The following GALNTL6 variants were observed in gnomAD, a reference collection of about 807,000 sequenced individuals.
GALNTL6 encodes the protein polypeptide N-acetylgalactosaminyltransferase-like 6.
Under a neutral mutation model 73.7 loss-of-function variants are expected in GALNTL6, and 46 were observed. The ratio of observed to expected loss-of-function variants is 0.62; its 90% CI spans 0.49 to 0.80. GALNTL6 has a LOEUF of 0.80. Ranked by LOEUF, GALNTL6 falls within the 30% of genes least tolerant of loss-of-function variation. GALNTL6 has a pLI of 0.00. For synonymous variants in GALNTL6, 259 were observed against 263.7 expected, an observed-to-expected ratio of 0.98 and a Z score of 0.17; for missense variants, 604 against 755.0, an observed-to-expected ratio of 0.80 and a Z score of 2.34.
intron 5 of GALNTL6, among the ~76,000 whole-genome samples, chr4:172,671,171 T>C (rs540094812): frequency 3.9e-5 from 6 of 152,340 alleles, no homozygotes; most frequent in African/African-American, 1.4e-4. Flanking sequence ...AAATAGTTTT[T>C]TCTAGTTCTG....
intron 5 of GALNTL6, among the ~76,000 whole-genome samples, chr4:172,725,043 G>A (rs1735716403): frequency 6.6e-6 from 1 of 152,086 alleles, no homozygotes; most frequent in Non-Finnish European, 1.5e-5. Flanking sequence ...TTTTTTTCAA[G>A]TATTTTTCCC....
At chr4:171,925,051 GA>G (rs1309746950) in intron 2 of GALNTL6, among the ~76,000 whole-genome samples, 3 of 152,172 alleles carry the variant, frequency 2.0e-5, no homozygotes, top group Non-Finnish European at 4.4e-5. Flanking sequence ...AAATGCGCAG[GA>G]AAACTAAGCT....
chr4:172,208,169 T>A (rs1341840162), intron 2 of GALNTL6, among the ~76,000 whole-genome samples: 1 of 152,170 alleles, frequency 6.6e-6, no homozygotes, highest in African/African-American at 2.4e-5. Flanking sequence ...ATGCTGGAAG[T>A]TGAGCTGTCG....
chr4:171,924,728 A>T (rs1052512894), intron 2 of GALNTL6, among the ~76,000 whole-genome samples: 4 of 152,214 alleles, frequency 2.6e-5, no homozygotes, highest in African/African-American at 9.6e-5. Flanking sequence ...TTATCAGAAC[A>T]TGACTAGAAG....
intron 9 of GALNTL6, 74 bp from the exon 10 acceptor site, chr4:172,951,963 A>G: frequency 7.8e-7 from 1 of 1,275,894 alleles, no homozygotes; most frequent in Non-Finnish European, 1.1e-6. Flanking sequence ...TCTTTTTTCA[A>G]TTTCTGGTGC....
intron 2 of GALNTL6, among the ~76,000 whole-genome samples, chr4:171,936,844 T>G (rs1354858268): frequency 6.6e-6 from 1 of 152,156 alleles, no homozygotes; most frequent in African/African-American, 2.4e-5. Context: ...AAATATACGT[T>G]AAGCCTCTAA....
intron 3 of GALNTL6, among the ~76,000 whole-genome samples, chr4:172,309,504 A>G (rs1420049310): frequency 2.6e-5 from 4 of 152,104 alleles, no homozygotes; most frequent in Non-Finnish European, 5.9e-5. Flanking sequence ...TTATAGATGC[A>G]TATTATTAGA....
intron 2 of GALNTL6, among the ~76,000 whole-genome samples, chr4:171,997,400 C>T (rs908936264): frequency 1.3e-5 from 2 of 151,966 alleles, no homozygotes; most frequent in East Asian, 3.9e-4. Context: ...TCCTGATAAA[C>T]CCATCGTAAG....
At chr4:172,091,762 A>G (rs1181540875) in intron 2 of GALNTL6, among the ~76,000 whole-genome samples, 1 of 152,200 alleles carries the variant, frequency 6.6e-6, no homozygotes, top group Non-Finnish European at 1.5e-5. Flanking sequence ...AGTGAAAGGT[A>G]AATGTTTTAA....
At chr4:172,924,070 G>T (rs1293717331) in intron 8 of GALNTL6, among the ~76,000 whole-genome samples, 1 of 151,992 alleles carries the variant, frequency 6.6e-6, no homozygotes, top group Non-Finnish European at 1.5e-5. Flanking sequence ...GGGAAAACTA[G>T]ACAAAGAAAA....
chr4:172,285,356 G>A (rs1027698540), intron 3 of GALNTL6, among the ~76,000 whole-genome samples: 1 of 152,022 alleles, frequency 6.6e-6, no homozygotes, highest in African/African-American at 2.4e-5. Context: ...TGTATATCCT[G>A]GCCTAAAATA....
At chr4:172,322,228 A>G (rs916330853) in intron 4 of GALNTL6, among the ~76,000 whole-genome samples, 2 of 152,180 alleles carry the variant, frequency 1.3e-5, no homozygotes, top group Non-Finnish European at 2.9e-5. Context: ...GCCGTCTTCT[A>G]TGCGTAGTTC....
chr4:173,029,380 G>C (rs1753365476), intron 12 of GALNTL6, among the ~76,000 whole-genome samples: 1 of 152,054 alleles, frequency 6.6e-6, no homozygotes, highest in Admixed American at 6.6e-5. Flanking sequence ...CAATTAAATG[G>C]CCCAATTTCC....
intron 2 of GALNTL6, among the ~76,000 whole-genome samples, chr4:172,204,965 T>C (rs1402736881): frequency 6.6e-6 from 1 of 152,234 alleles, no homozygotes; most frequent in Non-Finnish European, 1.5e-5. Flanking sequence ...GTACTACTAA[T>C]TCTACTGTAG....
In GALNTL6 at chr4:172,874,742, T is replaced by A. The variant is rs551011764; in HGVS notation, c.924-8048T>A. On this transcript the variant is annotated intron_variant, in intron 7 of 12. Transcript: ENST00000506823. ...TAAGGAGAACCTCAAGGTGACACGA[T>A]GGCGTCTGCTCCCGTCTGGCCTGAG... is the stretch of plus-strand genomic sequence containing the variant. Among the ~76,000 whole-genome samples, 3 of 152,314 alleles carry A rather than the reference T, an allele frequency of 2.0e-5. No individual in the cohort carries two copies. In the South Asian group the frequency reaches 6.2e-4, roughly 32 times the overall value.
chr4:171,938,717 C>T (rs1738429516), intron 2 of GALNTL6, among the ~76,000 whole-genome samples: 1 of 152,026 alleles, frequency 6.6e-6, no homozygotes, highest in Non-Finnish European at 1.5e-5. Context: ...AAATGAATAG[C>T]ACAAATATTA....
intron 2 of GALNTL6, among the ~76,000 whole-genome samples, chr4:171,982,804 C>G (rs1034624842): frequency 1.3e-5 from 2 of 152,192 alleles, no homozygotes; most frequent in African/African-American, 4.8e-5. Context: ...CTTAGGACCT[C>G]ATACTCACTA....
At chr4:172,408,305 T>G (rs995696439) in intron 5 of GALNTL6, among the ~76,000 whole-genome samples, 3 of 152,060 alleles carry the variant, frequency 2.0e-5, no homozygotes, top group Admixed American at 1.3e-4. Context: ...TATGCTTAAT[T>G]TGTTATTTTT....
At chr4:172,752,962 A>G (rs1249271659) in intron 5 of GALNTL6, among the ~76,000 whole-genome samples, 1 of 152,176 alleles carries the variant, frequency 6.6e-6, no homozygotes, top group African/African-American at 2.4e-5. Flanking sequence ...TTTCATTATG[A>G]TGAATATTTT....
Sources: gnomAD v4.1 joint callset for allele counts (sites outside exome capture counted in the v4.1 genomes callset) on GRCh38, gnomAD v4.1.1 for gene constraint, MANE v1.5 for transcripts, NCBI Gene and HGNC (gene_info 2026-07-23, HGNC 2026-07-21) for gene names.